USP54: variants seen among roughly 807,000 people sequenced by gnomAD.
USP54 encodes ubiquitin carboxyl-terminal hydrolase 54.
A neutral mutation model predicts 170.5 loss-of-function variants in USP54; 87 were observed. The observed-to-expected ratio is 0.51, with a 90% CI of 0.43 to 0.61. The LOEUF (loss-of-function observed/expected upper bound fraction) is 0.61. USP54 is among the 20% of genes least tolerant of loss of function. USP54 has a pLI of 0.00. For missense variants in USP54, 1,786 were observed against 2,047.8 expected (o/e 0.87, Z 2.47); for synonymous variants, 655 against 742.8 (o/e 0.88, Z 1.92).
chr10:73,534,516 C>A (rs550502775), intron 12 of USP54, 84 bp downstream of exon 12: 11 of 1,499,632 alleles, frequency 7.3e-6, no homozygotes, highest in Non-Finnish European at 9.0e-6. Flanking sequence ...TGAGCCACTG[C>A]GCCTGGCCTC....
intron 22 of USP54, among the ~76,000 whole-genome samples, chr10:73,503,723 GTTTT>G (rs2058578136): frequency 6.6e-6 from 1 of 152,038 alleles, no homozygotes; most frequent in Admixed American, 6.6e-5. Flanking sequence ...ATTCGGCTGG[GTTTT>G]TTTGTTTGTT....
At chr10:73,505,809 G>T (rs899674348) in intron 20 of USP54, 1 of 159,738 alleles carries the variant, frequency 6.3e-6, no homozygotes, top group East Asian at 1.9e-4. Context: ...GGCGTAGCTT[G>T]CAGTGAGCGG....
intron 20 of USP54, among the ~76,000 whole-genome samples, chr10:73,515,214 G>A (rs181389005): frequency 1.7e-3 from 261 of 152,090 alleles, no homozygotes; most frequent in Middle Eastern, 3.4e-3. Context: ...GCCAAGCTAA[G>A]GAAAAGTTCT....
intron 4 of USP54, among the ~76,000 whole-genome samples, chr10:73,547,415 G>A (rs1320313867): frequency 2.6e-5 from 4 of 152,130 alleles, no homozygotes; most frequent in Non-Finnish European, 5.9e-5. Context: ...AAAAGAGCCT[G>A]CATTGCCAAG....
chr10:73,583,035 CA>C (rs1305025874), intron 1 of USP54, among the ~76,000 whole-genome samples: 3 of 152,100 alleles, frequency 2.0e-5, no homozygotes, highest in Non-Finnish European at 4.4e-5. Flanking sequence ...TCAGTCCAAT[CA>C]TCAGAAAAAT....
chr10:73,575,678 G>GAA lies in USP54; in HGVS notation c.-17-5_-17-4dup. 6 of 1,505,444 alleles carry GAA rather than the reference G, an allele frequency of 4.0e-6. No homozygotes were observed. Among genetic ancestry groups the GAA allele is most frequent in the African/African-American group, 1.4e-5 (1 of 70,134 alleles). 93.3% of individuals were successfully genotyped at this position (1,505,444 alleles called of 1,614,324 possible). A position where few individuals can be genotyped will look rare whatever the true frequency, so the allele number is the denominator to read the frequency against. ...AGACATTATTGTTCACATTTAGCCT[G>GAA]AAAAAAAAATGGAGAAGGATTTGTG... On this transcript the variant is annotated splice_polypyrimidine_tract_variant and splice_region_variant and intron_variant, in intron 2 of 23. Coordinates refer to ENST00000687698, the MANE Select transcript of USP54 (RefSeq NM_001391956.1).
chr10:73,547,030 T>C (rs1037343003), intron 4 of USP54, among the ~76,000 whole-genome samples: 1 of 152,218 alleles, frequency 6.6e-6, no homozygotes, highest in African/African-American at 2.4e-5. Flanking sequence ...CTGACCTTGG[T>C]GTATTTGAAT....
At chr10:73,535,805 A>G (rs1205245631) in intron 11 of USP54, among the ~76,000 whole-genome samples, 1 of 152,142 alleles carries the variant, frequency 6.6e-6, no homozygotes, top group Non-Finnish European at 1.5e-5. Flanking sequence ...CAGCCTCCCA[A>G]ATAGCTAGGA....
Position 73,508,921 on chromosome 10 carries a change from C to T in USP54, c.4052-3495G>A, listed in dbSNP as rs191680647. ...GACCTCGTGATCTGCCCACCTTGGC[C>T]TCCCAAAGTGTGGGATTACAGGTGT... is the stretch of plus-strand genomic sequence containing the variant. On this transcript the variant is annotated intron_variant, in intron 20 of 23. Transcript: ENST00000687698. Among the ~76,000 whole-genome samples the T allele has an allele frequency of 4.4e-4, 67 of 151,206 alleles. No individual in the cohort carries two copies. The East Asian group carries it at 9.9e-3, about 22-fold the overall frequency.
At chr10:73,569,935 A>AC (rs2074754391) in intron 4 of USP54, among the ~76,000 whole-genome samples, 1 of 136,176 alleles carries the variant, frequency 7.3e-6, no homozygotes. Flanking sequence ...AAAAAAAAAA[A>AC]AAAAACACCC....
intron 4 of USP54, among the ~76,000 whole-genome samples, chr10:73,552,872 T>G (rs917984044): frequency 3.3e-5 from 5 of 152,192 alleles, no homozygotes; most frequent in African/African-American, 1.2e-4. Context: ...TGTTAGGTAT[T>G]ATTACTATTA....
chr10:73,599,022 T>C (rs908944151), intron 1 of USP54, among the ~76,000 whole-genome samples: 1 of 152,132 alleles, frequency 6.6e-6, no homozygotes, highest in African/African-American at 2.4e-5. Context: ...GAGGTTGCAG[T>C]GAGCCGAGAT....
intron 4 of USP54, among the ~76,000 whole-genome samples, chr10:73,546,843 T>C (rs903820088): frequency 1.3e-5 from 2 of 152,184 alleles, no homozygotes; most frequent in African/African-American, 4.8e-5. Context: ...CTGTCTCCAA[T>C]TTTTTGCTAT....
chr10:73,548,695 C>G (rs2068461875), intron 4 of USP54, among the ~76,000 whole-genome samples: 1 of 152,100 alleles, frequency 6.6e-6, no homozygotes, highest in Admixed American at 6.6e-5. Context: ...CACTTGGACA[C>G]AGGGCAGGGA....
intron 4 of USP54, among the ~76,000 whole-genome samples, chr10:73,556,506 C>T (rs1007247433): frequency 2.0e-5 from 3 of 151,828 alleles, no homozygotes; most frequent in Admixed American, 6.6e-5. Flanking sequence ...CCACCACGCC[C>T]GGCTAATTTT....
chr10:73,520,354 CA>C (rs1438767789), intron 18 of USP54, among the ~76,000 whole-genome samples: 1 of 152,230 alleles, frequency 6.6e-6, no homozygotes, highest in Non-Finnish European at 1.5e-5. Flanking sequence ...CAATGGCCAA[CA>C]GCAGAAATAA....
At chr10:73,586,985 C>T (rs1346152420) in intron 1 of USP54, among the ~76,000 whole-genome samples, 1 of 152,010 alleles carries the variant, frequency 6.6e-6, no homozygotes, top group Non-Finnish European at 1.5e-5. Context: ...ACAAATTTGT[C>T]TAAAATTTGT....
At chr10:73,618,723 C>CA (rs1247928264) in intron 1 of USP54, among the ~76,000 whole-genome samples, 1 of 134,158 alleles carries the variant, frequency 7.5e-6, no homozygotes, top group Non-Finnish European at 1.5e-5. Flanking sequence ...GCCTGGGTCA[C>CA]AGAGCGAGAC....
intron 1 of USP54, among the ~76,000 whole-genome samples, chr10:73,616,112 G>A (rs1471403876): frequency 1.3e-5 from 2 of 149,946 alleles, no homozygotes; most frequent in African/African-American, 5.1e-5. Context: ...GCCGAGGTGG[G>A]CAGATCACTT....
Sources: gnomAD v4.1 joint callset for allele counts (sites outside exome capture counted in the v4.1 genomes callset) on GRCh38, gnomAD v4.1.1 for gene constraint, MANE v1.5 for transcripts, NCBI Gene and HGNC (gene_info 2026-07-23, HGNC 2026-07-21) for gene names.